The following SUMF1 variants were observed in gnomAD, a reference collection of about 807,000 sequenced individuals.
The protein encoded by SUMF1 is sulfatase modifying factor 1.
In SUMF1, 48 loss-of-function variants were observed where a neutral mutation model predicts 47.6. That is an observed-to-expected ratio of 1.01 (90% CI 0.80 to 1.28). SUMF1 has a LOEUF of 1.28. Among genes scored for constraint, SUMF1 ranks in the 50% most tolerant of loss-of-function variants. SUMF1 has a pLI of 0.00. For synonymous variants in SUMF1, 230 were observed against 192.1 expected, an observed-to-expected ratio of 1.20 and a Z score of -1.63; for missense variants, 571 against 485.4, an observed-to-expected ratio of 1.18 and a Z score of -1.66.
At chr3:4,225,269 T>C (rs76186334) in intron 8 of SUMF1, among the ~76,000 whole-genome samples, 4,454 of 152,190 alleles carry the variant, frequency 0.029, 196 homozygotes, top group African/African-American at 0.1. Flanking sequence ...AGCATCCCTG[T>C]CTATACTAAG....
chr3:4,313,031 A>C, intron 8 of SUMF1: 1 of 1,613,948 alleles, frequency 6.2e-7, no homozygotes, highest in East Asian at 2.2e-5. Context: ...GAGAACTATG[A>C]TGATAACTCA....
At chr3:4,259,412 A>C (rs929954993) in intron 8 of SUMF1, among the ~76,000 whole-genome samples, 24 of 152,182 alleles carry the variant, frequency 1.6e-4, no homozygotes, top group African/African-American at 5.8e-4. Context: ...GCATTTAGGG[A>C]ATCTGCAGTT....
At position 4,362,263 on chromosome 3, in the gene SUMF1, A is replaced by C. The variant is rs1465413567; in HGVS notation, c.1015-9T>G. 1 of 1,612,642 alleles carries C rather than the reference A, an allele frequency of 6.2e-7. No individual in the cohort carries two copies. The highest frequency in any genetic ancestry group is 2.2e-5 in the East Asian group (1 of 44,848). ...TACCTGTAACAATAAGACTGTGTAG[A>C]GAGAAAGAGCAAGGTAAGTGCTACT... On this transcript the variant is annotated splice_polypyrimidine_tract_variant and intron_variant, in intron 8 of 8. Coordinates refer to ENST00000272902, the MANE Select transcript of SUMF1 (RefSeq NM_182760.4).
At chr3:4,198,518 T>C (rs569563320) in intron 8 of SUMF1, among the ~76,000 whole-genome samples, 64 of 152,292 alleles carry the variant, frequency 4.2e-4, no homozygotes, top group African/African-American at 1.3e-3. Context: ...AAATGTGGTA[T>C]GCTTTCATTA....
At chr3:4,272,459 G>C (rs1285818426) in intron 8 of SUMF1, among the ~76,000 whole-genome samples, 1 of 152,138 alleles carries the variant, frequency 6.6e-6, no homozygotes, top group Non-Finnish European at 1.5e-5. Context: ...CATGGCCCTG[G>C]ACAAGGAGCT....
At chr3:4,173,809 C>A (rs1460234124) in intron 8 of SUMF1, among the ~76,000 whole-genome samples, 1 of 152,020 alleles carries the variant, frequency 6.6e-6, no homozygotes, top group African/African-American at 2.4e-5. Flanking sequence ...TGTCCCCACT[C>A]ATAAGTGGGA....
intron 1 of SUMF1, among the ~76,000 whole-genome samples, chr3:4,456,899 T>A (rs1422458220): frequency 6.8e-6 from 1 of 148,138 alleles, no homozygotes; most frequent in Admixed American, 6.8e-5. Flanking sequence ...TATATATGTG[T>A]GTGTATATCT....
At chr3:4,309,809 T>G (rs976856584) in intron 8 of SUMF1, among the ~76,000 whole-genome samples, 1 of 152,220 alleles carries the variant, frequency 6.6e-6, no homozygotes, top group Non-Finnish European at 1.5e-5. Flanking sequence ...TGACTCCCAG[T>G]TTGTAACCCA....
At chr3:4,422,853 T>A (rs1387339257) in intron 3 of SUMF1, among the ~76,000 whole-genome samples, 1 of 152,200 alleles carries the variant, frequency 6.6e-6, no homozygotes, top group African/African-American at 2.4e-5. Context: ...TTTGGTTACA[T>A]GTGTAAGTGC....
chr3:4,147,662 A>G (rs989561325), intron 8 of SUMF1, among the ~76,000 whole-genome samples: 1 of 152,156 alleles, frequency 6.6e-6, no homozygotes, highest in Admixed American at 6.5e-5. Context: ...AAAATAAACT[A>G]TTGCCACATA....
chr3:4,266,136 T>C (rs1332526659), intron 8 of SUMF1, among the ~76,000 whole-genome samples: 1 of 152,180 alleles, frequency 6.6e-6, no homozygotes, highest in Non-Finnish European at 1.5e-5. Flanking sequence ...ACTGTAGCCT[T>C]GTAGTATAGT....
At chr3:4,128,685 TGAGTTTATATAAATTA>T (rs1170779123) in intron 8 of SUMF1, among the ~76,000 whole-genome samples, 2 of 152,130 alleles carry the variant, frequency 1.3e-5, no homozygotes, top group South Asian at 2.1e-4. Flanking sequence ...AAGAACTGCT[TGAGTTTATATAAATTA>T]GAGTTTATAT....
At chr3:4,287,909 A>G (rs1417703460) in intron 8 of SUMF1, among the ~76,000 whole-genome samples, 3 of 152,234 alleles carry the variant, frequency 2.0e-5, no homozygotes, top group African/African-American at 7.2e-5. Flanking sequence ...AATATTTTGT[A>G]AGCTTTCTGA....
At chr3:4,369,211 A>G (rs1700091909) in intron 8 of SUMF1, among the ~76,000 whole-genome samples, 1 of 152,172 alleles carries the variant, frequency 6.6e-6, no homozygotes, top group Admixed American at 6.5e-5. Context: ...GATAGCAACC[A>G]ATTTTCTCAT....
At chr3:4,145,188 G>A (rs555180466) in intron 8 of SUMF1, among the ~76,000 whole-genome samples, 2 of 93,032 alleles carry the variant, frequency 2.1e-5, no homozygotes, top group South Asian at 3.4e-4. Context: ...GTGAAACTCC[G>A]TCTAAAAAAA....
intron 1 of SUMF1, among the ~76,000 whole-genome samples, chr3:4,461,007 G>A (rs934143965): frequency 3.9e-5 from 6 of 152,158 alleles, no homozygotes. Context: ...GGCTCTTTGA[G>A]GACCAGAAAT....
At chr3:4,194,891 G>A (rs6442870) in intron 8 of SUMF1, among the ~76,000 whole-genome samples, 103,294 of 151,962 alleles carry the variant, frequency 0.68, 35,230 homozygotes, top group African/African-American at 0.71. Context: ...ATAAGCTATA[G>A]AAAGTAAAAG....
intron 8 of SUMF1, among the ~76,000 whole-genome samples, chr3:4,287,888 T>C (rs1421632412): frequency 1.3e-5 from 2 of 152,216 alleles, no homozygotes; most frequent in Non-Finnish European, 2.9e-5. Context: ...TCTTCCAATA[T>C]AGGGAAATAG....
chr3:4,338,983 A>G (rs939143618), intron 8 of SUMF1, among the ~76,000 whole-genome samples: 9 of 152,160 alleles, frequency 5.9e-5, no homozygotes, highest in Non-Finnish European at 2.9e-5. Context: ...TTGCTGACTG[A>G]GCCAACTAAT....
Sources: gnomAD v4.1 joint callset for allele counts (sites outside exome capture counted in the v4.1 genomes callset) on GRCh38, gnomAD v4.1.1 for gene constraint, MANE v1.5 for transcripts, NCBI Gene and HGNC (gene_info 2026-07-23, HGNC 2026-07-21) for gene names.